IKZF3: variants seen among roughly 807,000 people sequenced by gnomAD.
IKZF3 encodes zinc finger protein Aiolos.
In IKZF3, 10 loss-of-function variants were observed where a neutral mutation model predicts 49.0. The ratio of observed to expected loss-of-function variants is 0.20; its 90% CI spans 0.13 to 0.35. IKZF3 has a LOEUF of 0.35. Ranked by LOEUF, IKZF3 falls within the 10% of genes least tolerant of loss-of-function variation. The probability of loss-of-function intolerance (pLI) is 1.00; values close to 1 mark genes in which losing one functional copy is unlikely to be tolerated. For synonymous variants in IKZF3, 209 were observed against 228.2 expected (o/e 0.92, Z 0.76); for missense variants, 498 against 664.8 (o/e 0.75, Z 2.76).
intron 1 of IKZF3, among the ~76,000 whole-genome samples, chr17:39,860,625 C>T (rs145956288): frequency 2.0e-5 from 3 of 152,250 alleles, no homozygotes; most frequent in Non-Finnish European, 2.9e-5. Context: ...AACCAAATAC[C>T]GCATGTTCTC....
Position 39,765,880 on chromosome 17 carries a change from G to A in IKZF3, c.1440C>T (p.Phe480=), listed in dbSNP as rs540167497. ...HMGCHGFRDP[F]ECNMCGYRSH... is the part of the protein sequence containing the mutation. ...TTCGATATCCACACATGTTACACTCGAAAGGGTCACGGAAGCCGTGGCAGC... is the reference window on the plus strand; with the variant it reads ...TTCGATATCCACACATGTTACACTCAAAAGGGTCACGGAAGCCGTGGCAGC... The change falls in exon 8 of 8, where the codon TTC becomes TTT. Residue 480 remains phenylalanine (F), a synonymous_variant. Transcript: ENST00000346872. The A allele has an allele frequency of 6.5e-5, 105 of 1,614,226 alleles. 1 individual carries two copies. In the Middle Eastern group the frequency reaches 1.6e-3, roughly 25 times the overall value.
intron 1 of IKZF3, 28 bp downstream of exon 1, chr17:39,864,092 G>T: frequency 6.2e-7 from 1 of 1,612,976 alleles, no homozygotes; most frequent in East Asian, 2.2e-5. Context: ...CAAAGACCCC[G>T]GAGAAAAGAA....
intron 1 of IKZF3, among the ~76,000 whole-genome samples, chr17:39,847,653 C>T (rs1427290863): frequency 2.0e-5 from 3 of 152,154 alleles, no homozygotes; most frequent in East Asian, 1.9e-4. Flanking sequence ...TCTCCAAAAA[C>T]GTGGCATCAA....
Position 39,785,851 on chromosome 17 carries a change from A to G in IKZF3, c.709+2407T>C, listed in dbSNP as rs572106507. 3.9e-5 allele frequency among the ~76,000 whole-genome samples: 6 copies of G among 152,384 alleles called. No individual in the cohort carries two copies. The East Asian group carries it at 7.7e-4, about 20-fold the overall frequency. ...GATAAATGGAAAGTGCCATATCCAA[A>G]CAATGGAATATTATTCAGCCACAAA... On this transcript the variant is annotated intron_variant, in intron 6 of 7. Transcript: ENST00000346872.
intron 3 of IKZF3, among the ~76,000 whole-genome samples, chr17:39,818,886 TC>T (rs2061738082): frequency 6.6e-6 from 1 of 152,180 alleles, no homozygotes; most frequent in Non-Finnish European, 1.5e-5. Flanking sequence ...CGTATTCATT[TC>T]TTTCTGAATG....
In IKZF3 at chr17:39,832,111, C is replaced by T. The variant is rs750640808; in HGVS notation, c.48G>A (p.Gln16=). Residue 16 remains glutamine (Q), a synonymous_variant, in exon 2 of 8, where the codon CAG becomes CAA. Transcript: ENST00000346872. ...ACCTGATGTTACCTGCGGGCACAGA[C>T]TGCTCCTGAGTGCTTTTCAGTTCCG... ...TNAELKSTQE[Q]SVPAESAAVL... 1.9e-6 allele frequency: 3 copies of T among 1,612,676 alleles called. No individual in the cohort carries two copies. The highest frequency in any genetic ancestry group is 1.7e-6 in the Non-Finnish European group (2 of 1,179,030).
intron 3 of IKZF3, among the ~76,000 whole-genome samples, chr17:39,801,391 A>G (rs1004256528): frequency 8.5e-5 from 13 of 152,262 alleles, no homozygotes; most frequent in Admixed American, 7.2e-4. Flanking sequence ...CCATTTTCTA[A>G]CTATCCAATT....
At chr17:39,834,974 G>T in intron 1 of IKZF3, 1 of 401,614 alleles carries the variant, frequency 2.5e-6, no homozygotes, top group South Asian at 2.0e-5. Context: ...CACCTGGGCA[G>T]GACATCAGAG....
chr17:39,833,863 C>T (rs1157232016), intron 1 of IKZF3, among the ~76,000 whole-genome samples: 5 of 152,116 alleles, frequency 3.3e-5, no homozygotes, highest in African/African-American at 1.2e-4. Context: ...TAGTATGGTA[C>T]ATCAGTTATA....
At chr17:39,828,964 G>A (rs1234743374) in intron 3 of IKZF3, among the ~76,000 whole-genome samples, 1 of 152,004 alleles carries the variant, frequency 6.6e-6, no homozygotes. Context: ...TTGCGCCACT[G>A]CACTCTGGCC....
chr17:39,795,228 T>A (rs1446360516), intron 3 of IKZF3, among the ~76,000 whole-genome samples: 2 of 152,136 alleles, frequency 1.3e-5, no homozygotes, highest in Non-Finnish European at 2.9e-5. Flanking sequence ...AGGAGTCAGC[T>A]ATAGAGCAAG....
chr17:39,863,908 G>T (rs1287586593), intron 1 of IKZF3, among the ~76,000 whole-genome samples: 2 of 152,202 alleles, frequency 1.3e-5, no homozygotes, highest in Non-Finnish European at 2.9e-5. Flanking sequence ...ATAAAATTGC[G>T]AAGAAGTTAT....
chr17:39,784,691 C>G (rs1299356943), intron 6 of IKZF3, among the ~76,000 whole-genome samples: 2 of 152,216 alleles, frequency 1.3e-5, no homozygotes, highest in African/African-American at 4.8e-5. Flanking sequence ...CGCGACCCAC[C>G]GCGCCCGGCC....
At chr17:39,859,707 A>G (rs1348831755) in intron 1 of IKZF3, among the ~76,000 whole-genome samples, 1 of 152,214 alleles carries the variant, frequency 6.6e-6, no homozygotes, top group Non-Finnish European at 1.5e-5. Context: ...ATAATTTCTA[A>G]TTATCATAAA....
chr17:39,854,894 A>C (rs953347307), intron 1 of IKZF3, among the ~76,000 whole-genome samples: 13 of 152,190 alleles, frequency 8.5e-5, no homozygotes, highest in African/African-American at 3.1e-4. Flanking sequence ...TGTGTTGTGG[A>C]GTATCTTAAA....
chr17:39,856,274 T>C (rs80276642), intron 1 of IKZF3, among the ~76,000 whole-genome samples: 1 of 152,192 alleles, frequency 6.6e-6, no homozygotes, highest in Non-Finnish European at 1.5e-5. Flanking sequence ...ATAAGACAGT[T>C]AGTAATATTC....
intron 1 of IKZF3, among the ~76,000 whole-genome samples, chr17:39,832,502 T>C (rs1178808041): frequency 1.3e-5 from 2 of 150,230 alleles, no homozygotes; most frequent in Non-Finnish European, 2.9e-5. Flanking sequence ...TATATATATA[T>C]ATATGTACAT....
chr17:39,817,829 G>C (rs567207051), intron 3 of IKZF3, among the ~76,000 whole-genome samples: 1 of 152,236 alleles, frequency 6.6e-6, no homozygotes, highest in East Asian at 1.9e-4. Context: ...AGTGTTAATA[G>C]TACAGTAGAG....
At chr17:39,780,152 T>C (rs2060701710) in intron 6 of IKZF3, among the ~76,000 whole-genome samples, 1 of 151,382 alleles carries the variant, frequency 6.6e-6, no homozygotes, top group Non-Finnish European at 1.5e-5. Flanking sequence ...TACGGTGAAC[T>C]ATTAAGGTAA....
Sources: gnomAD v4.1 joint callset for allele counts (sites outside exome capture counted in the v4.1 genomes callset) on GRCh38, gnomAD v4.1.1 for gene constraint, MANE v1.5 for transcripts, NCBI Gene and HGNC (gene_info 2026-07-23, HGNC 2026-07-21) for gene names.